The following COL8A1 variants were observed in gnomAD, a reference collection of about 807,000 sequenced individuals.
COL8A1 encodes collagen alpha-1(VIII) chain.
In COL8A1, 21 loss-of-function variants were observed where a neutral mutation model predicts 42.7. That is an observed-to-expected ratio of 0.49 (90% CI 0.35 to 0.71). The LOEUF is 0.71. Among genes scored for constraint, COL8A1 ranks in the 30% least tolerant of loss-of-function variants. COL8A1 has a pLI of 0.01. For missense variants in COL8A1, 788 were observed against 962.4 expected, an observed-to-expected ratio of 0.82 and a Z score of 2.40; for synonymous variants, 367 against 369.1, an observed-to-expected ratio of 0.99 and a Z score of 0.06.
intron 1 of COL8A1, among the ~76,000 whole-genome samples, chr3:99,667,397 T>C (rs1938398292): frequency 6.6e-6 from 1 of 152,210 alleles, no homozygotes; most frequent in Admixed American, 6.5e-5. Flanking sequence ...TCTTTGACCT[T>C]AGGACTCAAA....
chr3:99,649,361 G>C (rs766404195), intron 1 of COL8A1, among the ~76,000 whole-genome samples: 2 of 151,890 alleles, frequency 1.3e-5, no homozygotes, highest in Non-Finnish European at 2.9e-5. Context: ...ACATAATAAG[G>C]GCTTAATAAA....
intron 1 of COL8A1, among the ~76,000 whole-genome samples, chr3:99,669,151 G>GAGAGAGAGA (rs1559773186): frequency 1.8e-4 from 20 of 114,054 alleles, no homozygotes; most frequent in African/African-American, 4.7e-4. Context: ...ATATATAGAG[G>GAGAGAGAGA]GAGAGAGAGA....
intron 1 of COL8A1, among the ~76,000 whole-genome samples, chr3:99,646,533 T>C (rs1937644259): frequency 6.6e-6 from 1 of 152,224 alleles, no homozygotes; most frequent in South Asian, 2.1e-4. Context: ...CAAGTATTTT[T>C]CAGAAAGATA....
chr3:99,708,836 C>G (rs990586896), intron 1 of COL8A1, among the ~76,000 whole-genome samples: 1 of 152,084 alleles, frequency 6.6e-6, no homozygotes, highest in Non-Finnish European at 1.5e-5. Flanking sequence ...AAATTAGACC[C>G]GGGGTGCATA....
chr3:99,709,406 T>C (rs1023314917), intron 1 of COL8A1, among the ~76,000 whole-genome samples: 3 of 152,174 alleles, frequency 2.0e-5, no homozygotes, highest in Admixed American at 6.5e-5. Flanking sequence ...TTAATGTCTA[T>C]CTTCTACATC....
intron 1 of COL8A1, among the ~76,000 whole-genome samples, chr3:99,731,490 C>T (rs1054412013): frequency 6.6e-6 from 1 of 152,050 alleles, no homozygotes; most frequent in African/African-American, 2.4e-5. Flanking sequence ...TAATGTGGGG[C>T]ATAGCAGCCA....
Position 99,701,566 on chromosome 3 carries a change from CA to C in COL8A1, c.-128-43330del, listed in dbSNP as rs1258936518. 3.9e-5 allele frequency among the ~76,000 whole-genome samples: 6 copies of C among 152,280 alleles called. No individual in the cohort carries two copies. In the South Asian group the frequency reaches 1.2e-3, roughly 32 times the overall value. On this transcript the variant is annotated intron_variant, in intron 1 of 3. Transcript: ENST00000652472. Reference sequence around the variant, plus strand: ...ATACAAAAATGGAAATTAGAGTAAGCAGAGGTTTCATTGAGTGAGAGGTGTT... The same window carrying C: ...ATACAAAAATGGAAATTAGAGTAAGCGAGGTTTCATTGAGTGAGAGGTGTT...
chr3:99,750,485 AC>A (rs1326663690), intron 2 of COL8A1, among the ~76,000 whole-genome samples: 2 of 152,234 alleles, frequency 1.3e-5, no homozygotes, highest in Admixed American at 6.5e-5. Flanking sequence ...TTTCAAAAAA[AC>A]ATATATTGCT....
chr3:99,645,458 C>T (rs1304567484), intron 1 of COL8A1, among the ~76,000 whole-genome samples: 2 of 152,134 alleles, frequency 1.3e-5, no homozygotes, highest in Non-Finnish European at 2.9e-5. Context: ...AGTTTAAGGA[C>T]ATGTCTAGTC....
chr3:99,756,135 C>G (rs1175524996), intron 2 of COL8A1, among the ~76,000 whole-genome samples: 1 of 151,422 alleles, frequency 6.6e-6, no homozygotes, highest in Non-Finnish European at 1.5e-5. Context: ...AGAATGTCTC[C>G]TGCACTTTGA....
At chr3:99,694,098 C>T (rs182779205) in intron 1 of COL8A1, among the ~76,000 whole-genome samples, 3 of 152,266 alleles carry the variant, frequency 2.0e-5, no homozygotes, top group East Asian at 1.9e-4. Flanking sequence ...TGTGTAAGTA[C>T]GCTCTATGAT....
At chr3:99,699,703 C>A (rs929630181) in intron 1 of COL8A1, among the ~76,000 whole-genome samples, 3 of 152,130 alleles carry the variant, frequency 2.0e-5, no homozygotes, top group Admixed American at 6.5e-5. Flanking sequence ...AGGGAAAAAA[C>A]CGAGCTAAAA....
chr3:99,673,044 C>T (rs188730359), intron 1 of COL8A1, among the ~76,000 whole-genome samples: 10 of 152,122 alleles, frequency 6.6e-5, no homozygotes, highest in African/African-American at 2.4e-4. Flanking sequence ...CATGCTATAT[C>T]CCAGGACTGT....
At chr3:99,725,674 C>T (rs1319154386) in intron 1 of COL8A1, among the ~76,000 whole-genome samples, 5 of 148,156 alleles carry the variant, frequency 3.4e-5, no homozygotes, top group Admixed American at 1.4e-4. Flanking sequence ...TGTTTGGTTT[C>T]TTTCCTTGCA....
At chr3:99,715,671 G>A (rs758104005) in intron 1 of COL8A1, among the ~76,000 whole-genome samples, 6 of 152,010 alleles carry the variant, frequency 3.9e-5, no homozygotes, top group East Asian at 1.9e-4. Flanking sequence ...TGTTGGAGCC[G>A]GAGCTACATA....
chr3:99,782,139 A>C (rs968217541), intron 2 of COL8A1, among the ~76,000 whole-genome samples: 17 of 152,140 alleles, frequency 1.1e-4, no homozygotes, highest in African/African-American at 4.1e-4. Context: ...AGAAAAAAAA[A>C]CCATGGATTA....
chr3:99,791,401 C>A (rs748649899), intron 3 of COL8A1, among the ~76,000 whole-genome samples: 33 of 152,124 alleles, frequency 2.2e-4, no homozygotes, highest in Non-Finnish European at 3.8e-4. Flanking sequence ...GTCTTCTGAA[C>A]TAAGAGAGCA....
intron 1 of COL8A1, among the ~76,000 whole-genome samples, chr3:99,722,365 A>C (rs927826862): frequency 6.6e-6 from 1 of 152,158 alleles, no homozygotes; most frequent in African/African-American, 2.4e-5. Context: ...AATAAACTGC[A>C]AAGTGATTTA....
chr3:99,741,330 T>C (rs1039429462), intron 1 of COL8A1, among the ~76,000 whole-genome samples: 3 of 152,238 alleles, frequency 2.0e-5, no homozygotes, highest in African/African-American at 7.2e-5. Context: ...TAAGACTGTT[T>C]TTTAATTCTT....
Sources: allele counts gnomAD v4.1 joint callset (sites outside exome capture counted in the v4.1 genomes callset), GRCh38; gene constraint gnomAD v4.1.1; transcripts MANE v1.5; gene names NCBI Gene and HGNC (gene_info 2026-07-23, HGNC 2026-07-21).